Variants in COL4A5 observed in about 807,000 individuals in gnomAD.
COL4A5 encodes collagen alpha-5(IV) chain.
Under a neutral mutation model 130.2 loss-of-function variants are expected in COL4A5, and 26 were observed. That is an observed-to-expected ratio of 0.20 (90% CI 0.15 to 0.28). COL4A5 has a LOEUF of 0.28. COL4A5 is among the 10% of genes least tolerant of loss of function. The pLI, the probability that COL4A5 is intolerant of heterozygous loss-of-function variation, is 1.00. For missense variants in COL4A5, 1,131 were observed against 1,344.3 expected, an observed-to-expected ratio of 0.84 and a Z score of 2.48; for synonymous variants, 496 against 439.6, an observed-to-expected ratio of 1.13 and a Z score of -1.60.
chrX:108,463,470 C>T (rs1004085807), intron 1 of COL4A5, among the ~76,000 whole-genome samples: 4 of 111,600 alleles, frequency 3.6e-5, no homozygotes, highest in African/African-American at 1.3e-4. Context: ...CAGTTGACTC[C>T]ATAGCTAAGC....
chrX:108,492,705 T>C, intron 1 of COL4A5, among the ~76,000 whole-genome samples: 1 of 111,538 alleles, frequency 9.0e-6, no homozygotes, highest in Middle Eastern at 4.2e-3. Flanking sequence ...TGGATAGCTG[T>C]TCCAAAAATG....
At position 108,592,088 on chromosome X, in the gene COL4A5, C is replaced by A. The variant is rs192097684; in HGVS notation, c.1423+444C>A. ...CATGTTTTCTGAGCCTACACTTTCT[C>A]TTCTCTTTTCAAGTTTTAACAGTTC... On this transcript the variant is annotated intron_variant, in intron 21 of 52. Transcript: ENST00000328300. Among the ~76,000 whole-genome samples, 3 of 111,832 alleles carry A rather than the reference C, an allele frequency of 2.7e-5. No homozygotes were observed. The East Asian group carries it at 8.4e-4, about 31-fold the overall frequency.
At chrX:108,530,502 T>C (rs1401723122) in intron 1 of COL4A5, among the ~76,000 whole-genome samples, 1 of 104,303 alleles carries the variant, frequency 9.6e-6, no homozygotes, top group Non-Finnish European at 2.0e-5. Context: ...CTCAAACAAA[T>C]TTACAAGAAA....
chrX:108,473,597 ATATATATATATATATG>A lies in COL4A5; in HGVS notation c.81+33407_81+33422del, dbSNP rs1206827212. On this transcript the variant is annotated intron_variant, in intron 1 of 52. Coordinates refer to ENST00000328300, the MANE Select transcript of COL4A5 (RefSeq NM_033380.3). ...TTATAGAATAAGGATATAAAGTTTT[ATATATATATATATATG>A]TATATATATATATATATATATTTTT... Among the ~76,000 whole-genome samples the A allele has an allele frequency of 2.1e-3, 120 of 56,608 alleles. 1 individual carries two copies. Among genetic ancestry groups the A allele is most frequent in the African/African-American group, 7.4e-3 (118 of 15,877 alleles). The allele number at this position is 56,608 out of a possible 115,157, so 49.2% of individuals were successfully genotyped here.
intron 2 of COL4A5, among the ~76,000 whole-genome samples, chrX:108,543,019 G>C (rs1407280475): frequency 9.0e-6 from 1 of 111,131 alleles, no homozygotes; most frequent in Non-Finnish European, 1.9e-5. Flanking sequence ...CCCTTTGTCA[G>C]ATAATAGGTT....
At chrX:108,511,478 G>A (rs918292935) in intron 1 of COL4A5, among the ~76,000 whole-genome samples, 1 of 111,396 alleles carries the variant, frequency 9.0e-6, no homozygotes, top group Admixed American at 9.6e-5. Context: ...AATTCATATC[G>A]TATGGAAATG....
intron 36 of COL4A5, among the ~76,000 whole-genome samples, chrX:108,645,662 G>A (rs1332124249): frequency 2.8e-5 from 3 of 108,481 alleles, no homozygotes; most frequent in African/African-American, 1.0e-4. Flanking sequence ...CATGTGCCAT[G>A]TTGGTGTGCT....
chrX:108,595,245 G>C (rs180934024), intron 21 of COL4A5, among the ~76,000 whole-genome samples: 26 of 111,289 alleles, frequency 2.3e-4, no homozygotes, highest in African/African-American at 8.2e-4. Context: ...CTTTCCCCTG[G>C]TAGAGTGTGA....
intron 6 of COL4A5, 52 bp downstream of exon 6, chrX:108,568,873 A>C: frequency 9.6e-7 from 1 of 1,039,293 alleles, no homozygotes; most frequent in Non-Finnish European, 1.4e-6. Flanking sequence ...TAATTAACTT[A>C]AAAACCTAAA....
chrX:108,649,139 C>A (rs1490560082), intron 36 of COL4A5, among the ~76,000 whole-genome samples: 3 of 110,884 alleles, frequency 2.7e-5, no homozygotes, highest in Non-Finnish European at 5.7e-5. Context: ...ACCCCTTTTA[C>A]AATAGCTGCA....
intron 36 of COL4A5, among the ~76,000 whole-genome samples, chrX:108,647,684 T>G (rs1399809148): frequency 2.7e-5 from 3 of 111,368 alleles, no homozygotes; most frequent in Admixed American, 9.6e-5. Flanking sequence ...ATGCTTCCAG[T>G]TTTTGCCCAT....
intron 10 of COL4A5, among the ~76,000 whole-genome samples, chrX:108,577,254 C>T (rs770793091): frequency 4.7e-5 from 5 of 107,513 alleles, no homozygotes; most frequent in Non-Finnish European, 9.6e-5. Flanking sequence ...TGCCTGTAAT[C>T]CCAGCTACTC....
intron 43 of COL4A5, 111 bp downstream of exon 43, chrX:108,674,864 G>C (rs2147970798): frequency 1.4e-6 from 1 of 730,879 alleles, no homozygotes; most frequent in East Asian, 3.5e-5. Context: ...GGAGAGTGCT[G>C]TTATCCTCAA....
chrX:108,675,277 A>AT (rs1301603210), intron 43 of COL4A5, among the ~76,000 whole-genome samples: 25 of 109,700 alleles, frequency 2.3e-4, no homozygotes, highest in African/African-American at 6.6e-4. Flanking sequence ...CAAGTTTCCC[A>AT]TTTTTTTTTA....
chrX:108,595,105 T>C (rs2066491895), intron 21 of COL4A5, among the ~76,000 whole-genome samples: 1 of 111,704 alleles, frequency 9.0e-6, no homozygotes, highest in Non-Finnish European at 1.9e-5. Context: ...TCAAGCTATC[T>C]GCCTGCCTCG....
intron 1 of COL4A5, among the ~76,000 whole-genome samples, chrX:108,532,991 G>A (rs192081789): frequency 8.1e-5 from 9 of 111,187 alleles, no homozygotes; most frequent in East Asian, 2.8e-4. Context: ...CAACATAATC[G>A]CTATCAAAAT....
chrX:108,668,378 A>C lies in COL4A5; in HGVS notation c.3664A>C (p.Lys1222Gln). 8.3e-7 allele frequency: 1 copy of C among 1,211,390 alleles called. No homozygotes were observed. Among genetic ancestry groups the C allele is most frequent in the Non-Finnish European group, 1.1e-6 (1 of 895,366 alleles). ...IPGNPGLPGPKGEPGFHGFPG... is the reference protein window; with the variant it reads ...IPGNPGLPGPQGEPGFHGFPG... ...AGGAAATCCTGGCCTTCCAGGTCCA[A>C]AGGGCGAACCAGGCTTTCACGGTTT... Residue 1222 changes from lysine (K) to glutamine (Q), a missense_variant, in exon 41 of 53, where the codon AAG (lysine) becomes CAG (glutamine). Physicochemically the swap from Lys to Gln is moderately conservative, Grantham distance 53. Transcript: ENST00000328300.
At chrX:108,601,597 G>A (rs2066630804) in intron 26 of COL4A5, 112 bp downstream of exon 26, 1 of 546,268 alleles carries the variant, frequency 1.8e-6, no homozygotes, top group African/African-American at 2.4e-5. Context: ...CGTGATGTTG[G>A]CTTGCTGCAG....
intron 1 of COL4A5, among the ~76,000 whole-genome samples, chrX:108,442,142 G>A (rs1017564181): frequency 9.0e-6 from 1 of 111,673 alleles, no homozygotes; most frequent in Admixed American, 9.5e-5. Flanking sequence ...GAATGATATC[G>A]GCTCTGCATA....
Sources: gnomAD v4.1 joint callset for allele counts (sites outside exome capture counted in the v4.1 genomes callset) on GRCh38, gnomAD v4.1.1 for gene constraint, MANE v1.5 for transcripts, NCBI Gene and HGNC (gene_info 2026-07-23, HGNC 2026-07-21) for gene names.